Variants in RIN3 observed in about 807,000 individuals in gnomAD.
The protein encoded by RIN3 is Ras and Rab interactor 3, also known as RAB5 interacting protein 3.
Under a neutral mutation model 76.3 loss-of-function variants are expected in RIN3, and 54 were observed. The ratio of observed to expected loss-of-function variants is 0.71; its 90% CI spans 0.57 to 0.89. RIN3 has a LOEUF of 0.89. Ranked by LOEUF, RIN3 falls within the 40% of genes least tolerant of loss-of-function variation. RIN3 has a pLI of 0.00. For synonymous variants in RIN3, 576 were observed against 564.0 expected, an observed-to-expected ratio of 1.02 and a Z score of -0.30; for missense variants, 1,256 against 1,322.1, an observed-to-expected ratio of 0.95 and a Z score of 0.78.
At chr14:92,662,147 C>T (rs546487393) in intron 7 of RIN3, among the ~76,000 whole-genome samples, 1 of 152,322 alleles carries the variant, frequency 6.6e-6, no homozygotes, top group African/African-American at 2.4e-5. Flanking sequence ...AGGGTTAAGA[C>T]CCCCTCATGG....
intron 6 of RIN3, among the ~76,000 whole-genome samples, chr14:92,657,527 G>A (rs2140148708): frequency 6.6e-6 from 1 of 152,320 alleles, no homozygotes; most frequent in African/African-American, 2.4e-5. Context: ...AGATCCTGCG[G>A]CTCTTAGATG....
intron 2 of RIN3, among the ~76,000 whole-genome samples, chr14:92,572,893 T>TTA: frequency 6.8e-6 from 1 of 147,518 alleles, no homozygotes; most frequent in African/African-American, 2.5e-5. Flanking sequence ...TTTTTTTTTT[T>TTA]TTTTTTGAGA....
chr14:92,604,235 C>A (rs966330362), intron 3 of RIN3, among the ~76,000 whole-genome samples: 3 of 152,264 alleles, frequency 2.0e-5, no homozygotes, highest in Non-Finnish European at 2.9e-5. Flanking sequence ...GGCGCCCCCC[C>A]TCCCACTCCC....
rs1898278139 is a variant in RIN3, at chr14:92,577,413, C to T, written c.303C>T (p.His101=). 6.2e-7 allele frequency: 1 copy of T among 1,613,872 alleles called. No individual in the cohort carries two copies. ...SSSKQLVLCV[H]FPSLNESSAE... is the part of the protein sequence containing the mutation. ...CGAAGCAGCTGGTGCTCTGTGTCCA[C>T]TTTCCTTCTCTGAACGAAAGCTCGG... The change falls in exon 3 of 10, where the codon CAC becomes CAT. Residue 101 remains histidine (H), a synonymous_variant. Coordinates refer to ENST00000216487, the MANE Select transcript of RIN3 (RefSeq NM_024832.5).
intron 4 of RIN3, among the ~76,000 whole-genome samples, chr14:92,622,070 G>A (rs1886202169): frequency 6.6e-6 from 1 of 152,176 alleles, no homozygotes; most frequent in Non-Finnish European, 1.5e-5. Flanking sequence ...AGCAGCACAA[G>A]TGGGATCCAT....
chr14:92,595,748 G>T (rs1326190747), intron 3 of RIN3, among the ~76,000 whole-genome samples: 1 of 152,146 alleles, frequency 6.6e-6, no homozygotes, highest in Non-Finnish European at 1.5e-5. Context: ...AAATGCCTTG[G>T]AAAGATAAAG....
intron 3 of RIN3, among the ~76,000 whole-genome samples, chr14:92,611,343 G>A (rs61975785): frequency 0.5 from 76,131 of 151,838 alleles, 19,942 homozygotes; most frequent in Admixed American, 0.61. Flanking sequence ...CTGGAGTGCA[G>A]TGGCACGATC....
chr14:92,562,890 T>G (rs1897814768), intron 2 of RIN3, among the ~76,000 whole-genome samples: 1 of 152,108 alleles, frequency 6.6e-6, no homozygotes, highest in South Asian at 2.1e-4. Flanking sequence ...CCAAGGTGGT[T>G]TTTAATAAAA....
intron 2 of RIN3, among the ~76,000 whole-genome samples, chr14:92,561,493 AT>A (rs11325872): frequency 0.27 from 40,515 of 149,016 alleles, 5,851 homozygotes; most frequent in Middle Eastern, 0.33. Flanking sequence ...ATTCAGGCTG[AT>A]TTTTTTTTTT....
intron 1 of RIN3, among the ~76,000 whole-genome samples, chr14:92,545,609 CT>C (rs1897243853): frequency 9.3e-6 from 1 of 108,008 alleles, no homozygotes. Context: ...GAGATGGGGT[CT>C]TACTCTGTCA....
intron 3 of RIN3, among the ~76,000 whole-genome samples, chr14:92,591,431 A>G (rs1884976001): frequency 6.6e-6 from 1 of 152,238 alleles, no homozygotes; most frequent in African/African-American, 2.4e-5. Context: ...TTGAAACAAT[A>G]ATGACTGAGA....
At position 92,591,619 on chromosome 14, in the gene RIN3, C is replaced by A. The variant is rs566246519; in HGVS notation, c.367+14142C>A. On this transcript the variant is annotated intron_variant, in intron 3 of 9. Coordinates refer to ENST00000216487, the MANE Select transcript of RIN3 (RefSeq NM_024832.5). ...GAAAAACACCTTGCCTATAGAGGAA[C>A]AAAGATAAGAATTACATCTGACTTC... Among the ~76,000 whole-genome samples, 451 of 150,918 alleles carry A rather than the reference C, an allele frequency of 3.0e-3. 4 individuals are homozygous for A. The highest frequency in any genetic ancestry group is 0.01 in the African/African-American group (412 of 41,078).
chr14:92,650,120 C>T (rs966513609), intron 5 of RIN3, among the ~76,000 whole-genome samples: 4 of 152,216 alleles, frequency 2.6e-5, no homozygotes, highest in African/African-American at 9.7e-5. Context: ...TGTGTTGTTG[C>T]CACATCCTGA....
At chr14:92,599,256 G>A (rs2140086165) in intron 3 of RIN3, among the ~76,000 whole-genome samples, 1 of 152,326 alleles carries the variant, frequency 6.6e-6, no homozygotes, top group East Asian at 1.9e-4. Flanking sequence ...GGGGTGTGAA[G>A]ACTGGAGTTC....
At chr14:92,634,514 G>A (rs1223482226) in intron 4 of RIN3, among the ~76,000 whole-genome samples, 3 of 152,150 alleles carry the variant, frequency 2.0e-5, no homozygotes, top group East Asian at 1.9e-4. Context: ...GACCTTGGGG[G>A]CCTGTGATTC....
chr14:92,591,365 A>G (rs1884972860), intron 3 of RIN3, among the ~76,000 whole-genome samples: 1 of 152,208 alleles, frequency 6.6e-6, no homozygotes, highest in Non-Finnish European at 1.5e-5. Flanking sequence ...AAAAGGTGTA[A>G]CAGACATATA....
At chr14:92,580,695 G>T (rs373059615) in intron 3 of RIN3, among the ~76,000 whole-genome samples, 2 of 152,382 alleles carry the variant, frequency 1.3e-5, no homozygotes, top group Admixed American at 6.5e-5. Flanking sequence ...CACCTTCAGC[G>T]TGCAGCCTCC....
chr14:92,584,950 C>A (rs912463665), intron 3 of RIN3, among the ~76,000 whole-genome samples: 1 of 152,166 alleles, frequency 6.6e-6, no homozygotes, highest in Non-Finnish European at 1.5e-5. Flanking sequence ...AGCCATTTAC[C>A]CCATGTTTCC....
At chr14:92,607,885 C>A (rs575764879) in intron 3 of RIN3, among the ~76,000 whole-genome samples, 1 of 152,202 alleles carries the variant, frequency 6.6e-6, no homozygotes, top group Admixed American at 6.5e-5. Context: ...CTTGGATGAA[C>A]CTCAAGGAAG....
Sources: allele counts gnomAD v4.1 joint callset (sites outside exome capture counted in the v4.1 genomes callset), GRCh38; gene constraint gnomAD v4.1.1; transcripts MANE v1.5; gene names NCBI Gene and HGNC (gene_info 2026-07-23, HGNC 2026-07-21).